Variants in TBXAS1 observed in about 807,000 individuals in gnomAD.
TBXAS1 encodes the protein thromboxane A synthase 1.
A neutral mutation model predicts 60.7 loss-of-function variants in TBXAS1; 48 were observed. The observed-to-expected ratio is 0.79, with a 90% CI of 0.63 to 1.01. The LOEUF is 1.01. Among genes scored for constraint, TBXAS1 ranks in the 50% least tolerant of loss-of-function variants. The pLI is 0.00. For synonymous variants in TBXAS1, 287 were observed against 269.7 expected (o/e 1.06, Z -0.63); for missense variants, 685 against 686.3 (o/e 1.00, Z 0.02).
At chr7:139,850,285 TA>T (rs1366231999) in intron 1 of TBXAS1, among the ~76,000 whole-genome samples, 2 of 152,200 alleles carry the variant, frequency 1.3e-5, no homozygotes, top group Non-Finnish European at 2.9e-5. Context: ...TTTTTTCCTA[TA>T]AAAAAGATGT....
intron 9 of TBXAS1, among the ~76,000 whole-genome samples, chr7:139,974,604 G>A (rs1811437696): frequency 1.3e-5 from 2 of 152,166 alleles, no homozygotes; most frequent in Admixed American, 1.3e-4. Flanking sequence ...GTAAAATGGG[G>A]ATAGTAACAT....
chr7:139,903,826 G>C (rs1000121442), intron 3 of TBXAS1, among the ~76,000 whole-genome samples: 3 of 151,524 alleles, frequency 2.0e-5, no homozygotes, highest in Non-Finnish European at 4.4e-5. Flanking sequence ...TGATTTTTTT[G>C]AGTTCATTGT....
At position 139,927,047 on chromosome 7, in the gene TBXAS1, T is replaced by G. The variant is rs552353410; in HGVS notation, c.334-9144T>G. On this transcript the variant is annotated intron_variant, in intron 4 of 12. Coordinates refer to ENST00000448866, the MANE Select transcript of TBXAS1 (RefSeq NM_001061.7). ...TCTCACTCTGTCACCCAGACTGGAG[T>G]GCAGTGGCATGATCTCAGCTCACTG... Among the ~76,000 whole-genome samples the G allele has an allele frequency of 4.6e-5, 7 of 152,160 alleles. No individual in the cohort carries two copies. The South Asian group carries it at 1.5e-3, about 32-fold the overall frequency.
At chr7:139,849,828 C>A (rs981448430) in intron 1 of TBXAS1, among the ~76,000 whole-genome samples, 2 of 152,206 alleles carry the variant, frequency 1.3e-5, no homozygotes, top group African/African-American at 2.4e-5. Flanking sequence ...AATACAGCAA[C>A]CAGGGGACAC....
At chr7:139,942,913 G>T (rs1200807911) in intron 5 of TBXAS1, among the ~76,000 whole-genome samples, 1 of 152,342 alleles carries the variant, frequency 6.6e-6, no homozygotes, top group East Asian at 1.9e-4. Flanking sequence ...GAGACGACAT[G>T]TTACTCGAGA....
At chr7:139,846,879 T>C (rs1248417489) in intron 1 of TBXAS1, among the ~76,000 whole-genome samples, 1 of 151,702 alleles carries the variant, frequency 6.6e-6, no homozygotes, top group Non-Finnish European at 1.5e-5. Context: ...GGTTTAGAAA[T>C]GATGGGGTGG....
chr7:139,893,715 C>A (rs1215829606), intron 3 of TBXAS1, among the ~76,000 whole-genome samples: 2 of 152,234 alleles, frequency 1.3e-5, no homozygotes, highest in African/African-American at 2.4e-5. Flanking sequence ...CAATACATCT[C>A]TTAATTACTC....
At chr7:139,824,177 A>G (rs1798375119) in intron 4 of TBXAS1, among the ~76,000 whole-genome samples, 1 of 152,218 alleles carries the variant, frequency 6.6e-6, no homozygotes, top group South Asian at 2.1e-4. Flanking sequence ...AGTTGACTCA[A>G]TTCTAGGGGA....
intron 10 of TBXAS1, among the ~76,000 whole-genome samples, chr7:140,010,952 T>A (rs1035324156): frequency 6.6e-6 from 1 of 151,204 alleles, no homozygotes; most frequent in African/African-American, 2.4e-5. Flanking sequence ...CAAAATAGCA[T>A]GCTTATACAA....
chr7:139,891,165 G>A (rs1803577809), intron 3 of TBXAS1, among the ~76,000 whole-genome samples: 1 of 151,902 alleles, frequency 6.6e-6, no homozygotes, highest in Non-Finnish European at 1.5e-5. Context: ...CCTGCAGTGG[G>A]CATCCTTTTA....
chr7:140,017,045 T>C (rs1815138658), intron 11 of TBXAS1, among the ~76,000 whole-genome samples: 2 of 152,232 alleles, frequency 1.3e-5, no homozygotes, highest in African/African-American at 4.8e-5. Flanking sequence ...GCAAATGCAC[T>C]ACTTGGTAGG....
intron 12 of TBXAS1, 78 bp downstream of exon 12, chr7:140,017,911 C>T (rs1815224687): frequency 1.9e-6 from 3 of 1,599,322 alleles, no homozygotes; most frequent in Non-Finnish European, 2.6e-6. Context: ...GAGAGCAGGC[C>T]AGCCTGGGGG....
intron 4 of TBXAS1, among the ~76,000 whole-genome samples, chr7:139,810,922 C>T (rs1798008071): frequency 6.6e-6 from 1 of 152,196 alleles, no homozygotes; most frequent in African/African-American, 2.4e-5. Context: ...TATACCCAAA[C>T]TATGCCAGTG....
chr7:139,809,280 G>A (rs907648343), intron 4 of TBXAS1, among the ~76,000 whole-genome samples: 1 of 144,708 alleles, frequency 6.9e-6, no homozygotes, highest in Admixed American at 7.0e-5. Context: ...GAACCAATAG[G>A]AAATAGATAG....
intron 4 of TBXAS1, among the ~76,000 whole-genome samples, chr7:139,812,510 C>T (rs902515608): frequency 2.0e-5 from 3 of 152,066 alleles, no homozygotes; most frequent in Non-Finnish European, 2.9e-5. Flanking sequence ...TACATGTACA[C>T]GTGGAAAAAC....
chr7:139,922,458 C>A (rs1180498828), intron 4 of TBXAS1, among the ~76,000 whole-genome samples: 1 of 151,842 alleles, frequency 6.6e-6, no homozygotes, highest in Non-Finnish European at 1.5e-5. Context: ...TAACAACGTG[C>A]CTGTTGAGTC....
chr7:140,002,559 A>G (rs1456059826), intron 9 of TBXAS1, among the ~76,000 whole-genome samples: 2 of 152,182 alleles, frequency 1.3e-5, no homozygotes, highest in African/African-American at 4.8e-5. Flanking sequence ...TGGACCAGCC[A>G]GTGAGTGGGA....
upstream of TBXAS1, among the ~76,000 whole-genome samples, chr7:139,826,137 A>T (rs1163733739): frequency 6.6e-6 from 1 of 152,048 alleles, no homozygotes; most frequent in African/African-American, 2.4e-5. Flanking sequence ...CACCCCCTCC[A>T]TGCTGCCGGG....
rs1329635532 is a variant in TBXAS1, at chr7:139,916,374, G to A, written c.333+5053G>A. On this transcript the variant is annotated intron_variant, in intron 4 of 12. Transcript: ENST00000448866. The surrounding 1 kb of genome is among the most constrained non-coding windows in gnomAD (Gnocchi z 4.2). ...CTAAGCCTAGTGCTTTGGAGATGTG[G>A]GTTCTGGTCTGGAGTGGCAGTATGG... 6.6e-6 allele frequency among the ~76,000 whole-genome samples: 1 copy of A among 152,150 alleles called. No individual in the cohort carries two copies. The highest frequency in any genetic ancestry group is 2.4e-5 in the African/African-American group (1 of 41,434).
Sources: gnomAD v4.1 joint callset for allele counts (sites outside exome capture counted in the v4.1 genomes callset) on GRCh38, gnomAD v4.1.1 for gene constraint, Gnocchi (gnomAD v3.1) non-coding constraint, MANE v1.5 for transcripts, NCBI Gene and HGNC (gene_info 2026-07-23, HGNC 2026-07-21) for gene names.